EXOC6B: variants seen among roughly 807,000 people sequenced by gnomAD.
The protein encoded by EXOC6B is exocyst complex component 6B.
In EXOC6B, 54 loss-of-function variants were observed where a neutral mutation model predicts 113.5. The ratio of observed to expected loss-of-function variants is 0.48; its 90% CI spans 0.38 to 0.60. The LOEUF (loss-of-function observed/expected upper bound fraction) is 0.60. EXOC6B is among the 20% of genes least tolerant of loss of function. The pLI, the probability that EXOC6B is intolerant of heterozygous loss-of-function variation, is 0.00. For synonymous variants in EXOC6B, 357 were observed against 339.0 expected (o/e 1.05, Z -0.58); for missense variants, 797 against 977.5 (o/e 0.82, Z 2.46).
intron 19 of EXOC6B, among the ~76,000 whole-genome samples, chr2:72,362,208 C>G (rs2104987309): frequency 6.6e-6 from 1 of 152,226 alleles, no homozygotes; most frequent in African/African-American, 2.4e-5. Flanking sequence ...GGATCCAGTT[C>G]ATACTGTGAA....
chr2:72,712,164 C>G (rs534278126), intron 6 of EXOC6B, among the ~76,000 whole-genome samples: 19 of 152,122 alleles, frequency 1.2e-4, no homozygotes, highest in Non-Finnish European at 2.4e-4. Flanking sequence ...CCATTTTAAA[C>G]AAGACTATAC....
At chr2:72,699,822 A>G (rs1678179029) in intron 6 of EXOC6B, among the ~76,000 whole-genome samples, 1 of 152,180 alleles carries the variant, frequency 6.6e-6, no homozygotes, top group Non-Finnish European at 1.5e-5. Context: ...GGCTAAGACC[A>G]CCATGGTTCA....
chr2:72,513,759 C>T (rs115172541), intron 10 of EXOC6B, among the ~76,000 whole-genome samples: 3,001 of 151,972 alleles, frequency 0.02, 116 homozygotes, highest in African/African-American at 0.068. Context: ...AGGCATCATA[C>T]AAAGGTTTCA....
intron 6 of EXOC6B, among the ~76,000 whole-genome samples, chr2:72,692,018 C>A (rs1023783669): frequency 1.3e-5 from 2 of 151,962 alleles, no homozygotes; most frequent in Non-Finnish European, 1.5e-5. Context: ...ATAGCAAATA[C>A]CACCATCTGA....
intron 8 of EXOC6B, among the ~76,000 whole-genome samples, chr2:72,555,363 C>T (rs373600242): frequency 8.5e-5 from 13 of 152,304 alleles, no homozygotes; most frequent in African/African-American, 2.4e-4. Context: ...CTAATTTACA[C>T]TTCCACCAAC....
chr2:72,574,452 G>A (rs987287769), intron 7 of EXOC6B, among the ~76,000 whole-genome samples: 4 of 152,114 alleles, frequency 2.6e-5, no homozygotes, highest in African/African-American at 9.7e-5. Context: ...TCAGTTTAAC[G>A]ATTAAACAAT....
chr2:72,588,916 C>T (rs918658563), intron 6 of EXOC6B, among the ~76,000 whole-genome samples: 1 of 151,946 alleles, frequency 6.6e-6, no homozygotes, highest in African/African-American at 2.4e-5. Flanking sequence ...TTAAATATTA[C>T]CTTTTTCCTT....
intron 3 of EXOC6B, among the ~76,000 whole-genome samples, chr2:72,732,335 G>T (rs1007603365): frequency 1.3e-5 from 2 of 151,522 alleles, no homozygotes; most frequent in Non-Finnish European, 2.9e-5. Context: ...TTTTGTTTTG[G>T]GGGGCAGGTA....
At chr2:72,643,310 A>C (rs913971636) in intron 6 of EXOC6B, among the ~76,000 whole-genome samples, 18 of 148,612 alleles carry the variant, frequency 1.2e-4, no homozygotes, top group Non-Finnish European at 2.2e-4. Flanking sequence ...AGACACATGC[A>C]CACGTATGTT....
chr2:72,329,229 C>T lies in EXOC6B; in HGVS notation c.2196+5718G>A, dbSNP rs549707811. 2.6e-5 allele frequency among the ~76,000 whole-genome samples: 4 copies of T among 152,212 alleles called. No homozygotes were observed. The South Asian group carries it at 8.3e-4, about 32-fold the overall frequency. On this transcript the variant is annotated intron_variant, in intron 20 of 21. Transcript: ENST00000272427. ...CACTTGGGAAAACTACAGTTCATCT[C>T]CCAAAACCCAAGTTATATTCCAGCA...
rs570359625 is a variant in EXOC6B, at chr2:72,747,424, T to G, written c.114-5955A>C. Among the ~76,000 whole-genome samples the G allele has an allele frequency of 5.5e-3, 833 of 152,102 alleles. 11 individuals carry two copies. Among genetic ancestry groups the G allele is most frequent in the African/African-American group, 0.017 (701 of 41,524 alleles). On this transcript the variant is annotated intron_variant, in intron 1 of 21. Coordinates refer to ENST00000272427, the MANE Select transcript of EXOC6B (RefSeq NM_015189.3). ...ATAATGTTTGAGGATGCAGTAACCA[T>G]TCTGAAAAGGAAGAAGATATTGCCC... is the stretch of plus-strand genomic sequence containing the variant.
At chr2:72,191,240 C>G (rs1678813937) in intron 20 of EXOC6B, among the ~76,000 whole-genome samples, 1 of 152,076 alleles carries the variant, frequency 6.6e-6, no homozygotes, top group Non-Finnish European at 1.5e-5. Flanking sequence ...TCCTATATAA[C>G]TTTTATCTGT....
intron 18 of EXOC6B, among the ~76,000 whole-genome samples, chr2:72,431,241 A>G (rs961576749): frequency 1.3e-5 from 2 of 152,208 alleles, no homozygotes; most frequent in Admixed American, 1.3e-4. Context: ...CTCTCATGTG[A>G]CATATACTTT....
At chr2:72,199,965 C>T (rs1273421086) in intron 20 of EXOC6B, among the ~76,000 whole-genome samples, 1 of 152,132 alleles carries the variant, frequency 6.6e-6, no homozygotes, top group African/African-American at 2.4e-5. Flanking sequence ...GGCACGATCT[C>T]GGCTCACTGC....
At chr2:72,455,469 A>C (rs1257358290) in intron 18 of EXOC6B, among the ~76,000 whole-genome samples, 1 of 152,168 alleles carries the variant, frequency 6.6e-6, no homozygotes, top group Non-Finnish European at 1.5e-5. Flanking sequence ...AAAGGTATTT[A>C]AATGATGGCT....
At chr2:72,434,483 C>A (rs573796763) in intron 18 of EXOC6B, among the ~76,000 whole-genome samples, 1 of 152,178 alleles carries the variant, frequency 6.6e-6, no homozygotes, top group Non-Finnish European at 1.5e-5. Flanking sequence ...AGGAATGATA[C>A]CAGTTCCTTT....
chr2:72,625,216 TAG>T (rs1249336304), intron 6 of EXOC6B, among the ~76,000 whole-genome samples: 1 of 151,464 alleles, frequency 6.6e-6, no homozygotes, highest in East Asian at 1.9e-4. Flanking sequence ...ACACCTAGCC[TAG>T]AGAGTTTAAA....
At chr2:72,279,695 C>T (rs1440599423) in intron 20 of EXOC6B, among the ~76,000 whole-genome samples, 3 of 152,058 alleles carry the variant, frequency 2.0e-5, no homozygotes, top group Non-Finnish European at 2.9e-5. Flanking sequence ...CTCACTGCAA[C>T]CTCTGCCTCC....
At chr2:72,259,573 G>A (rs1474654583) in intron 20 of EXOC6B, among the ~76,000 whole-genome samples, 1 of 152,176 alleles carries the variant, frequency 6.6e-6, no homozygotes, top group Non-Finnish European at 1.5e-5. Context: ...TATAAGGTAA[G>A]TACCTGTTTA....
Sources: gnomAD v4.1 joint callset for allele counts (sites outside exome capture counted in the v4.1 genomes callset) on GRCh38, gnomAD v4.1.1 for gene constraint, MANE v1.5 for transcripts, NCBI Gene and HGNC (gene_info 2026-07-23, HGNC 2026-07-21) for gene names.